MS4A10: variants seen among roughly 807,000 people sequenced by gnomAD.
MS4A10 encodes the protein membrane spanning 4-domains A10.
In MS4A10, 27 loss-of-function variants were observed where a neutral mutation model predicts 27.7. That is an observed-to-expected ratio of 0.98 (90% confidence interval 0.72 to 1.35). The LOEUF (loss-of-function observed/expected upper bound fraction) is 1.35. Ranked by LOEUF, MS4A10 falls within the 40% of genes most tolerant of loss-of-function variation. The pLI, the probability that MS4A10 is intolerant of heterozygous loss-of-function variation, is 0.00. For missense variants in MS4A10, 338 were observed against 324.7 expected (o/e 1.04, Z -0.32); for synonymous variants, 139 against 131.2 (o/e 1.06, Z -0.41).
At chr11:60,798,777 C>T (rs191707248) in intron 7 of MS4A10, among the ~76,000 whole-genome samples, 26 of 152,336 alleles carry the variant, frequency 1.7e-4, no homozygotes, top group East Asian at 7.7e-4. Flanking sequence ...TGAACCTGGG[C>T]GCAACCAGGA....
Position 60,791,106 on chromosome 11 carries a change from CA to C in MS4A10, c.303+17del, listed in dbSNP as rs1480682984. 2.5e-6 allele frequency: 4 copies of C among 1,613,380 alleles called. No individual in the cohort carries two copies. The highest frequency in any genetic ancestry group is 3.4e-6 in the Non-Finnish European group (4 of 1,179,802). On this transcript the variant is annotated intron_variant, in intron 3 of 7. Transcript: ENST00000308287. Reference sequence around the variant, plus strand: ...GGGGGCTGCCTCTGTGAGTAGAAGGCAAAACACAGACCGGGTGTGGGAGTCT... The same window carrying C: ...GGGGGCTGCCTCTGTGAGTAGAAGGCAAACACAGACCGGGTGTGGGAGTCT...
chr11:60,791,568 G>A (rs539992860), intron 3 of MS4A10, among the ~76,000 whole-genome samples: 1 of 152,154 alleles, frequency 6.6e-6, no homozygotes, highest in Admixed American at 6.5e-5. Flanking sequence ...CCATTTCCCA[G>A]AAGCTCTACA....
chr11:60,790,432 C>A lies in MS4A10; in HGVS notation c.97C>A (p.Pro33Thr). Residue 33 changes from proline to threonine, a missense_variant, in exon 2 of 8, where the codon CCC becomes ACC. Physicochemically the swap from Pro to Thr is conservative, Grantham distance 38. Transcript: ENST00000308287. ...AGTCCAGCCCTGGCAGACAAGTGCA[C>A]CCCAGAACACGACCCAGCCCAAGCT... The part of the protein sequence containing the change: ...SPVQPWQTSA[P>T]QNTTQPKLLA... 1 of 1,614,156 alleles carries A rather than the reference C, an allele frequency of 6.2e-7. No individual in the cohort carries two copies. Among genetic ancestry groups the A allele is most frequent in the Non-Finnish European group, 8.5e-7 (1 of 1,180,014 alleles).
chr11:60,786,654 A>C (rs1854344683), intron 1 of MS4A10, among the ~76,000 whole-genome samples: 1 of 151,824 alleles, frequency 6.6e-6, no homozygotes, highest in South Asian at 2.1e-4. Context: ...GAGGCAATAA[A>C]CTCACCACTC....
intron 1 of MS4A10, 73 bp from the exon 2 acceptor site, chr11:60,790,241 T>C (rs772770437): frequency 2.2e-4 from 287 of 1,288,238 alleles, no homozygotes; most frequent in Non-Finnish European, 2.9e-4. Flanking sequence ...ACAGAGGTGA[T>C]TGGCAGAGGC....
At position 60,794,890 on chromosome 11, in the gene MS4A10, G is replaced by A. The variant is rs188852015; in HGVS notation, c.493-665G>A. Among the ~76,000 whole-genome samples the A allele has an allele frequency of 2.4e-3, 362 of 152,192 alleles. 3 individuals are homozygous for A. The highest frequency in any genetic ancestry group is 8.1e-3 in the African/African-American group (335 of 41,530). On this transcript the variant is annotated intron_variant, in intron 5 of 7. Coordinates refer to ENST00000308287, the MANE Select transcript of MS4A10 (RefSeq NM_206893.4). ...AGTAGAGATGGGGTTTCACCATGTC[G>A]GCCAGGCAGGTCTCGAACTCCTGAC...
In MS4A10 at chr11:60,795,568, G is replaced by T. The variant is rs1854513622; in HGVS notation, c.506G>T (p.Arg169Met). The T allele has an allele frequency of 6.4e-7, 1 of 1,562,758 alleles. No individual in the cohort carries two copies. The highest frequency in any genetic ancestry group is 1.9e-5 in the Admixed American group (1 of 53,490). ...CTACCCTCTCAGGTCCACATCCAGA[G>T]GCTGGAGCTGGCCTTGCTCTGCTTC... is the stretch of plus-strand genomic sequence containing the variant. Reference protein sequence around the residue: ...MYPNSTVHIQRLELALLCFTV... With the variant: ...MYPNSTVHIQMLELALLCFTV... The change falls in exon 6 of 8, where the codon AGG (arginine) becomes ATG (methionine). Residue 169 changes from arginine (R) to methionine (M), a missense_variant. Physicochemically the swap from Arg to Met is moderately conservative, Grantham distance 91. Coordinates refer to ENST00000308287, the MANE Select transcript of MS4A10 (RefSeq NM_206893.4).
intron 7 of MS4A10, among the ~76,000 whole-genome samples, chr11:60,799,153 G>A (rs1854587470): frequency 1.3e-5 from 2 of 152,192 alleles, no homozygotes; most frequent in Admixed American, 1.3e-4. Context: ...GAGGTGCAAG[G>A]ATGACATGAT....
Position 60,791,017 on chromosome 11 carries a change from G to A in MS4A10, c.227G>A (p.Gly76Asp), listed in dbSNP as rs1204704559. The A allele has an allele frequency of 6.2e-7, 1 of 1,614,182 alleles. No individual in the cohort carries two copies. Among genetic ancestry groups the A allele is most frequent in the Non-Finnish European group, 8.5e-7 (1 of 1,180,036 alleles). ...TIALLHLVFG[G>D]YLASIVKNLH... ...GCTCTGCTGCACCTGGTCTTTGGGGGCTACCTGGCCTCTATAGTCAAGAAC... is the reference window on the plus strand; with the variant it reads ...GCTCTGCTGCACCTGGTCTTTGGGGACTACCTGGCCTCTATAGTCAAGAAC... The change falls in exon 3 of 8, where the codon GGC becomes GAC. Residue 76 changes from glycine (G) to aspartate (D), a missense_variant. Transcript: ENST00000308287.
chr11:60,790,878 G>A (rs964478434), intron 2 of MS4A10, 96 bp from the exon 3 acceptor site: 3 of 1,525,980 alleles, frequency 2.0e-6, no homozygotes, highest in Admixed American at 1.9e-5. Flanking sequence ...AGGACAGAAG[G>A]GACTCACCAC....
At chr11:60,798,901 C>A (rs1854579892) in intron 7 of MS4A10, among the ~76,000 whole-genome samples, 1 of 152,180 alleles carries the variant, frequency 6.6e-6, no homozygotes, top group Non-Finnish European at 1.5e-5. Flanking sequence ...GGTGGATGCA[C>A]AGGGGGATAT....
In MS4A10 at chr11:60,800,506, C is replaced by A. The variant is rs1433418332; in HGVS notation, c.*597C>A. The stretch of plus-strand genomic sequence containing the variant: ...TGCTCTCTACTGCCTTATAAAATCC[C>A]TGTGTGAAGGGATGCTCTCAGTATC... On this transcript the variant is annotated 3_prime_UTR_variant, in exon 8 of 8. Coordinates refer to ENST00000308287, the MANE Select transcript of MS4A10 (RefSeq NM_206893.4). The A allele has an allele frequency of 6.6e-6, 1 of 152,562 alleles. No homozygotes were observed. The highest frequency in any genetic ancestry group is 1.5e-5 in the Non-Finnish European group (1 of 68,276). 9.5% of individuals were successfully genotyped at this position (152,562 alleles called of 1,614,324 possible).
intron 1 of MS4A10, among the ~76,000 whole-genome samples, chr11:60,789,688 T>C (rs911230235): frequency 6.6e-6 from 1 of 152,216 alleles, no homozygotes; most frequent in Non-Finnish European, 1.5e-5. Flanking sequence ...GAGGACGGTA[T>C]TTACCTCATA....
chr11:60,795,726 C>T, intron 6 of MS4A10, 61 bp downstream of exon 6: 1 of 1,091,116 alleles, frequency 9.2e-7, no homozygotes, highest in Non-Finnish European at 1.3e-6. Context: ...CAGCAGAGAG[C>T]TCAGAAAGGA....
At chr11:60,792,758 G>A (rs1317426211) in intron 4 of MS4A10, among the ~76,000 whole-genome samples, 1 of 152,120 alleles carries the variant, frequency 6.6e-6, no homozygotes. Context: ...TGCCCGTGCT[G>A]GCCACTGCCC....
chr11:60,795,723 G>A, intron 6 of MS4A10, 58 bp downstream of exon 6: 1 of 1,147,762 alleles, frequency 8.7e-7, no homozygotes. Flanking sequence ...AGGCAGCAGA[G>A]AGCTCAGAAA....
At chr11:60,790,908 C>A (rs1854419401) in intron 2 of MS4A10, 66 bp from the exon 3 acceptor site, 2 of 1,598,744 alleles carry the variant, frequency 1.3e-6, no homozygotes, top group Admixed American at 1.7e-5. Context: ...GTCCAGGGCA[C>A]TAGTGGCCTC....
chr11:60,790,946 C>T (rs750460428), intron 2 of MS4A10, 28 bp from the exon 3 acceptor site: 3 of 1,613,072 alleles, frequency 1.9e-6, no homozygotes, highest in Non-Finnish European at 2.5e-6. Context: ...GATGCCCTCA[C>T]CCCAGCCATT....
At chr11:60,786,343 G>T (rs926986758) in intron 1 of MS4A10, among the ~76,000 whole-genome samples, 1 of 151,944 alleles carries the variant, frequency 6.6e-6, no homozygotes, top group Non-Finnish European at 1.5e-5. Context: ...CTCCTGCCTC[G>T]GTCCCTGCAG....
Sources: allele counts gnomAD v4.1 joint callset (sites outside exome capture counted in the v4.1 genomes callset), GRCh38; gene constraint gnomAD v4.1.1; transcripts MANE v1.5; gene names NCBI Gene and HGNC (gene_info 2026-07-23, HGNC 2026-07-21).